The following PTPRG variants were observed in gnomAD, a reference collection of about 807,000 sequenced individuals.
The protein encoded by PTPRG is protein tyrosine phosphatase receptor type G.
PTPRG carries 102 observed loss-of-function variants against 165.3 expected under a neutral mutation model. The ratio of observed to expected loss-of-function variants is 0.62; its 90% CI spans 0.53 to 0.73. The LOEUF (loss-of-function observed/expected upper bound fraction) is 0.73. Ranked by LOEUF, PTPRG falls within the 30% of genes least tolerant of loss-of-function variation. The pLI is 0.00. For synonymous variants in PTPRG, 675 were observed against 669.5 expected (o/e 1.01, Z -0.13); for missense variants, 1,866 against 1,861.4 (o/e 1.00, Z -0.05).
intron 2 of PTPRG, among the ~76,000 whole-genome samples, chr3:61,856,698 C>G (rs2037115832): frequency 6.6e-6 from 1 of 152,178 alleles, no homozygotes; most frequent in Admixed American, 6.5e-5. Context: ...CATTAACAAA[C>G]AACTCTAACT....
At chr3:62,037,806 T>C (rs1415379137) in intron 4 of PTPRG, among the ~76,000 whole-genome samples, 1 of 152,168 alleles carries the variant, frequency 6.6e-6, no homozygotes, top group African/African-American at 2.4e-5. Flanking sequence ...TATTTGTGCA[T>C]TCCTGGGGAG....
chr3:61,942,223 T>G (rs967988984), intron 2 of PTPRG, among the ~76,000 whole-genome samples: 1 of 151,938 alleles, frequency 6.6e-6, no homozygotes, highest in African/African-American at 2.4e-5. Flanking sequence ...ATGGCCATGT[T>G]GGAGCTATTC....
chr3:61,992,935 A>T (rs1559733968), intron 3 of PTPRG, among the ~76,000 whole-genome samples: 1 of 151,920 alleles, frequency 6.6e-6, no homozygotes, highest in South Asian at 2.1e-4. Context: ...CCAAAATGCT[A>T]GGATTACAGG....
chr3:62,154,774 C>T (rs928819352), intron 6 of PTPRG, among the ~76,000 whole-genome samples: 2 of 152,130 alleles, frequency 1.3e-5, no homozygotes, highest in African/African-American at 2.4e-5. Context: ...TCTAGCCATT[C>T]GGCCTGGATC....
At chr3:61,575,686 C>T (rs1700160773) in intron 1 of PTPRG, among the ~76,000 whole-genome samples, 1 of 149,916 alleles carries the variant, frequency 6.7e-6, no homozygotes, top group Non-Finnish European at 1.5e-5. Flanking sequence ...GAAACCTCTG[C>T]CTCCCGGGTT....
At chr3:61,878,651 G>C (rs1030804997) in intron 2 of PTPRG, among the ~76,000 whole-genome samples, 3 of 152,006 alleles carry the variant, frequency 2.0e-5, no homozygotes, top group Non-Finnish European at 4.4e-5. Flanking sequence ...GTGCTACCAT[G>C]CCTGGCTAAG....
chr3:61,671,829 C>G (rs1275527626), intron 1 of PTPRG, among the ~76,000 whole-genome samples: 1 of 143,028 alleles, frequency 7.0e-6, no homozygotes, highest in Admixed American at 6.9e-5. Context: ...CTCCTCACTT[C>G]CCAGTAGGGG....
chr3:62,035,756 G>T (rs1426931345), intron 4 of PTPRG, among the ~76,000 whole-genome samples: 1 of 152,226 alleles, frequency 6.6e-6, no homozygotes, highest in African/African-American at 2.4e-5. Context: ...TAATGGAGGA[G>T]CTGTAGCTTC....
chr3:62,206,767 T>C (rs1237993333), intron 12 of PTPRG, among the ~76,000 whole-genome samples: 2 of 151,688 alleles, frequency 1.3e-5, no homozygotes, highest in East Asian at 1.9e-4. Context: ...ACCCCGTCTC[T>C]AGAAAAAATA....
intron 6 of PTPRG, among the ~76,000 whole-genome samples, chr3:62,146,122 T>G (rs4550819): frequency 0.24 from 36,388 of 152,208 alleles, 4,973 homozygotes; most frequent in African/African-American, 0.37. Flanking sequence ...TTTGTCACTG[T>G]ATGACTCTAT....
rs538132929 is a variant in PTPRG, at chr3:62,191,324, A to G, written c.1034-145A>G. Reference sequence around the variant, plus strand: ...ATGTTCTCCCTCTCTCTCTACACACACAATGTTAAGAGGACCCAGGAGAAG... The same window carrying G: ...ATGTTCTCCCTCTCTCTCTACACACGCAATGTTAAGAGGACCCAGGAGAAG... On this transcript the variant is annotated intron_variant, in intron 8 of 29. Coordinates refer to ENST00000474889, the MANE Select transcript of PTPRG (RefSeq NM_002841.4). The G allele has an allele frequency of 8.8e-4, 563 of 643,302 alleles. 1 individual carries two copies. The highest frequency in any genetic ancestry group is 1.4e-3 in the Non-Finnish European group (524 of 376,436). 39.8% of individuals were successfully genotyped at this position (643,302 alleles called of 1,614,324 possible). A position where few individuals can be genotyped will look rare whatever the true frequency, so the allele number is the denominator to read the frequency against.
intron 6 of PTPRG, among the ~76,000 whole-genome samples, chr3:62,140,851 C>CAAAAAA (rs58630476): frequency 8.4e-4 from 60 of 71,172 alleles, no homozygotes; most frequent in African/African-American, 3.0e-3. Flanking sequence ...GACTCGGTCT[C>CAAAAAA]AAAAAAAAAA....
At chr3:62,146,220 T>C (rs1470792719) in intron 6 of PTPRG, among the ~76,000 whole-genome samples, 1 of 152,242 alleles carries the variant, frequency 6.6e-6, no homozygotes, top group Non-Finnish European at 1.5e-5. Context: ...AATGTCAACA[T>C]ACATTTCATT....
intron 4 of PTPRG, among the ~76,000 whole-genome samples, chr3:62,040,921 A>G (rs1396712838): frequency 1.3e-5 from 2 of 152,186 alleles, no homozygotes; most frequent in Non-Finnish European, 2.9e-5. Flanking sequence ...GACTTAGGCT[A>G]TGCACTGGAG....
At chr3:61,562,488 G>T in intron 1 of PTPRG, 116 bp downstream of exon 1, 1 of 926,024 alleles carries the variant, frequency 1.1e-6, no homozygotes, top group South Asian at 1.4e-5. Context: ...GAGGGTGGAG[G>T]GTGGCCCGGC....
At chr3:62,060,834 C>G (rs1201351557) in intron 4 of PTPRG, among the ~76,000 whole-genome samples, 1 of 152,102 alleles carries the variant, frequency 6.6e-6, no homozygotes, top group Non-Finnish European at 1.5e-5. Flanking sequence ...GTTTTCTGCC[C>G]TCCTTTATCT....
chr3:61,570,903 G>A (rs563701965), intron 1 of PTPRG, among the ~76,000 whole-genome samples: 4 of 152,220 alleles, frequency 2.6e-5, no homozygotes, highest in Non-Finnish European at 2.9e-5. Flanking sequence ...GTAGCTAAGG[G>A]TGGTTACCCA....
chr3:61,759,226 G>T (rs920316475), intron 2 of PTPRG, among the ~76,000 whole-genome samples: 1 of 152,120 alleles, frequency 6.6e-6, no homozygotes, highest in Non-Finnish European at 1.5e-5. Context: ...CCCATTTTCT[G>T]TTATGTAACT....
chr3:62,033,487 G>A (rs9874977), intron 4 of PTPRG, among the ~76,000 whole-genome samples: 56,346 of 148,268 alleles, frequency 0.38, 10,975 homozygotes, highest in Middle Eastern at 0.5. Context: ...CCTAAGCCTC[G>A]CAAGTAGCTA....
Sources: gnomAD v4.1 joint callset for allele counts (sites outside exome capture counted in the v4.1 genomes callset) on GRCh38, gnomAD v4.1.1 for gene constraint, MANE v1.5 for transcripts, NCBI Gene and HGNC (gene_info 2026-07-23, HGNC 2026-07-21) for gene names.